Variants in IL16 observed in about 807,000 individuals in gnomAD.
IL16 encodes interleukin 16.
In IL16, 67 loss-of-function variants were observed where a neutral mutation model predicts 110.1. The ratio of observed to expected loss-of-function variants is 0.61; its 90% CI spans 0.50 to 0.75. The LOEUF (loss-of-function observed/expected upper bound fraction) is 0.75, where lower values mean the gene tolerates loss of function less well. IL16 is among the 30% of genes least tolerant of loss of function. IL16 has a pLI of 0.00. For missense variants in IL16, 1,545 were observed against 1,655.0 expected, an observed-to-expected ratio of 0.93 and a Z score of 1.15; for synonymous variants, 689 against 662.9, an observed-to-expected ratio of 1.04 and a Z score of -0.61.
At chr15:81,249,206 C>T (rs186775451) in intron 2 of IL16, among the ~76,000 whole-genome samples, 6 of 152,256 alleles carry the variant, frequency 3.9e-5, no homozygotes, top group Admixed American at 1.3e-4. Flanking sequence ...GTAAATTGCT[C>T]CATTTTTATT....
intron 2 of IL16, among the ~76,000 whole-genome samples, chr15:81,241,602 A>C (rs1372245238): frequency 6.6e-6 from 1 of 152,086 alleles, no homozygotes; most frequent in Non-Finnish European, 1.5e-5. Context: ...TGGCATATGG[A>C]ATGCAATTTT....
At position 81,308,727 on chromosome 15, in the gene IL16, G is replaced by A. The variant is rs753969951; in HGVS notation, c.3928G>A (p.Gly1310Arg). 3.1e-6 allele frequency: 5 copies of A among 1,614,208 alleles called. No individual in the cohort carries two copies. The highest frequency in any genetic ancestry group is 4.2e-6 in the Non-Finnish European group (5 of 1,180,034). Reference protein sequence around the residue: ...AWNIIKALPDGPVTIVIRRKS... With the variant: ...AWNIIKALPDRPVTIVIRRKS... ...GAACATCATCAAGGCACTGCCTGAT[G>A]GACCTGTCACGATTGTCATCAGGAG... The change falls in exon 19 of 19, where the codon GGA becomes AGA. Residue 1310 changes from glycine to arginine, a missense_variant. By Grantham distance (125) the Gly-to-Arg change is moderately radical (BLOSUM62 -2). Transcript: ENST00000683961.
At chr15:81,195,927 A>G (rs540913628), upstream of IL16, among the ~76,000 whole-genome samples, 28 of 152,126 alleles carry the variant, frequency 1.8e-4, no homozygotes, top group African/African-American at 6.8e-4. Flanking sequence ...AACAGGACAC[A>G]CACAAAAGTG....
chr15:81,200,392 C>G (rs1451399191), intron 1 of IL16, among the ~76,000 whole-genome samples: 1 of 151,546 alleles, frequency 6.6e-6, no homozygotes, highest in Non-Finnish European at 1.5e-5. Context: ...TTTTTTGAAA[C>G]AGGGTCTCAC....
At position 81,279,588 on chromosome 15, in the gene IL16, G is replaced by C; in HGVS notation, c.895G>C (p.Val299Leu). 21 of 1,613,620 alleles carry C rather than the reference G, an allele frequency of 1.3e-5. No homozygotes were observed. Among genetic ancestry groups the C allele is most frequent in the Non-Finnish European group, 1.8e-5 (21 of 1,180,024 alleles). The change falls in exon 8 of 19, where the codon GTG (valine) becomes CTG (leucine). Residue 299 changes from valine to leucine, a missense_variant. Physicochemically the swap from Val to Leu is conservative, Grantham distance 32. This residue lies in a region of IL16 where 1,185 missense variants were observed against 1,238.8 expected (regional missense o/e 0.96). Coordinates refer to ENST00000683961, the MANE Select transcript of IL16 (RefSeq NM_172217.5). ...QAKKGLLTLT[V>L]RTRLTAPPSL... ...CAAAAAGGGGCTCCTCACCCTCACC[G>C]TGAGAACCCGCCTGACGGCGCCTCC...
rs563198743 is a variant in IL16 at position 81,311,382 on chromosome 15, C to T, written c.*2584C>T. The T allele has an allele frequency of 6.6e-6, 1 of 152,362 alleles. No homozygotes were observed. Among genetic ancestry groups the T allele is most frequent in the African/African-American group, 2.4e-5 (1 of 41,574 alleles). The allele number at this position is 152,362 out of a possible 1,614,324, so 9.4% of individuals were successfully genotyped here. A position where few individuals can be genotyped will look rare whatever the true frequency, so the allele number is the denominator to read the frequency against. On this transcript the variant is annotated 3_prime_UTR_variant, in exon 19 of 19. Coordinates refer to ENST00000683961, the MANE Select transcript of IL16 (RefSeq NM_172217.5). ...CTGCCTCCATATTTTCTTTAAAAGA[C>T]AAATCAAAGCAGATATATTAAGTGA... is the stretch of plus-strand genomic sequence containing the variant.
At position 81,255,719 on chromosome 15, in the gene IL16, C is replaced by A. The variant is rs1012144798; in HGVS notation, c.313-4053C>A. On this transcript the variant is annotated intron_variant, in intron 2 of 18. Coordinates refer to ENST00000683961, the MANE Select transcript of IL16 (RefSeq NM_172217.5). Reference sequence around the variant, plus strand: ...CTTCTACAGCCAACATTGAAACCCCCAGAGAAAGCTTTCCCTCTAACACGG... The same window carrying A: ...CTTCTACAGCCAACATTGAAACCCCAAGAGAAAGCTTTCCCTCTAACACGG... Among the ~76,000 whole-genome samples, 7 of 151,948 alleles carry A rather than the reference C, an allele frequency of 4.6e-5. No homozygotes were observed. The East Asian group carries it at 1.4e-3, about 29-fold the overall frequency.
In IL16 at chr15:81,311,496, C is replaced by G. The variant is rs1900850824; in HGVS notation, c.*2698C>G. 1 of 152,250 alleles carries G rather than the reference C, an allele frequency of 6.6e-6. No homozygotes were observed. The highest frequency in any genetic ancestry group is 2.1e-4 in the South Asian group (1 of 4,836). 9.4% of individuals were successfully genotyped at this position (152,250 alleles called of 1,614,324 possible). A position where few individuals can be genotyped will look rare whatever the true frequency, so the allele number is the denominator to read the frequency against. ...TCATCCAGGGCTCTGACCAGTTTAA[C>G]CTGATGCAGTCACGTGGAGGAGCAG... On this transcript the variant is annotated 3_prime_UTR_variant, in exon 19 of 19. Coordinates refer to ENST00000683961, the MANE Select transcript of IL16 (RefSeq NM_172217.5).
rs1180490445 is a variant in IL16 at position 81,225,318 on chromosome 15, TA to T, written c.-80del. The T allele has an allele frequency of 1.9e-6, 3 of 1,555,134 alleles. No homozygotes were observed. The highest frequency in any genetic ancestry group is 4.7e-5 in the East Asian group (2 of 42,390). On this transcript the variant is annotated 5_prime_UTR_variant, in exon 2 of 19. The change abolishes the stop of an existing upstream ORF in the 5' untranslated region. Coordinates refer to ENST00000683961, the MANE Select transcript of IL16 (RefSeq NM_172217.5). ...CTCTAGGGACTCATGAAGTGGCAGC[TA>T]AGCCCTGTCCAGTGGCCACCCGTCA...
chr15:81,220,978 G>A (rs1014445795), intron 1 of IL16, among the ~76,000 whole-genome samples: 7 of 152,066 alleles, frequency 4.6e-5, no homozygotes, highest in African/African-American at 1.4e-4. Context: ...ATAAATGACA[G>A]CTCTGCCATG....
intron 10 of IL16, among the ~76,000 whole-genome samples, chr15:81,287,515 T>C (rs1377256675): frequency 1.3e-5 from 2 of 152,206 alleles, no homozygotes; most frequent in Non-Finnish European, 2.9e-5. Flanking sequence ...GCACCAGGCA[T>C]GTTTTTCAAA....
At chr15:81,221,268 C>A (rs1253511206) in intron 1 of IL16, among the ~76,000 whole-genome samples, 1 of 152,160 alleles carries the variant, frequency 6.6e-6, no homozygotes, top group Non-Finnish European at 1.5e-5. Context: ...TAGAAACCTT[C>A]ATTGTGCTTC....
intron 1 of IL16, among the ~76,000 whole-genome samples, chr15:81,202,960 A>G (rs1268990959): frequency 4.6e-5 from 7 of 151,740 alleles, no homozygotes; most frequent in Admixed American, 1.3e-4. Context: ...AAGTGTTCCT[A>G]TTTCTCCACA....
intron 3 of IL16, among the ~76,000 whole-genome samples, chr15:81,264,600 C>T (rs545022659): frequency 7.9e-5 from 12 of 152,150 alleles, no homozygotes; most frequent in African/African-American, 2.9e-4. Flanking sequence ...TTCACAAAAG[C>T]CTGTCCATTC....
intron 2 of IL16, among the ~76,000 whole-genome samples, chr15:81,253,248 C>T (rs1165725086): frequency 2.0e-5 from 3 of 151,986 alleles, no homozygotes; most frequent in East Asian, 1.9e-4. Context: ...TTTTTATGTG[C>T]TTCTAGTCTC....
At chr15:81,256,643 C>G (rs956220073) in intron 2 of IL16, among the ~76,000 whole-genome samples, 1 of 152,144 alleles carries the variant, frequency 6.6e-6, no homozygotes, top group Non-Finnish European at 1.5e-5. Flanking sequence ...CGCACCCAGA[C>G]TCTACATTTT....
At chr15:81,252,125 A>G (rs962672502) in intron 2 of IL16, among the ~76,000 whole-genome samples, 1 of 152,190 alleles carries the variant, frequency 6.6e-6, no homozygotes, top group Non-Finnish European at 1.5e-5. Context: ...AATCAATTCT[A>G]AATTGATTCC....
rs374168874 is a variant in IL16, at chr15:81,235,533, A to G, written c.312+9822A>G. On this transcript the variant is annotated intron_variant, in intron 2 of 18. Coordinates refer to ENST00000683961, the MANE Select transcript of IL16 (RefSeq NM_172217.5). ...CACTTCCCACTAGGCCCCCCCTCCAACACTGGGGATCACCTTTCAGCATGA... is the reference window on the plus strand; with the variant it reads ...CACTTCCCACTAGGCCCCCCCTCCAGCACTGGGGATCACCTTTCAGCATGA... Among the ~76,000 whole-genome samples the G allele has an allele frequency of 5.9e-5, 9 of 152,280 alleles. No individual in the cohort carries two copies. In the East Asian group the frequency reaches 1.2e-3, roughly 20 times the overall value.
chr15:81,288,677 T>C (rs1474233273), intron 10 of IL16, among the ~76,000 whole-genome samples: 2 of 152,202 alleles, frequency 1.3e-5, no homozygotes, highest in Admixed American at 6.5e-5. Flanking sequence ...TGATTTTGAC[T>C]ACTCTACGTT....
Sources: gnomAD v4.1 joint callset for allele counts (sites outside exome capture counted in the v4.1 genomes callset) on GRCh38, gnomAD v4.1.1 for gene constraint, gnomAD v4.1.1 regional missense constraint, MANE v1.5 for transcripts, NCBI Gene and HGNC (gene_info 2026-07-23, HGNC 2026-07-21) for gene names.